The following DNAH11 variants were observed in gnomAD, a reference collection of about 807,000 sequenced individuals.
The protein encoded by DNAH11 is dynein axonemal heavy chain 11, also known as axonemal beta dynein heavy chain 11.
Under a neutral mutation model 526.0 loss-of-function variants are expected in DNAH11, and 442 were observed. The ratio of observed to expected loss-of-function variants is 0.84; its 90% CI spans 0.78 to 0.91. The LOEUF (loss-of-function observed/expected upper bound fraction) is 0.91, where lower values mean the gene tolerates loss of function less well. Among genes scored for constraint, DNAH11 ranks in the 40% least tolerant of loss-of-function variants. The pLI is 0.00. For missense variants in DNAH11, 6,989 were observed against 5,448.7 expected, an observed-to-expected ratio of 1.28 and a Z score of -8.90; for synonymous variants, 2,461 against 1,935.9, an observed-to-expected ratio of 1.27 and a Z score of -7.12.
intron 8 of DNAH11, among the ~76,000 whole-genome samples, chr7:21,572,352 T>G (rs73066485): frequency 0.16 from 23,910 of 152,224 alleles, 2,114 homozygotes; most frequent in East Asian, 0.23. Flanking sequence ...GAACACTTGC[T>G]TTCACCCCAG....
At position 21,744,428 on chromosome 7, in the gene DNAH11, T is replaced by C; in HGVS notation, c.8155-10T>C. ...GAATTAAAGGTATTTTCCCCATTCT[T>C]GCCTTGTAGGGGATTTTATTTGCTT... On this transcript the variant is annotated splice_polypyrimidine_tract_variant and intron_variant, in intron 49 of 81. Transcript: ENST00000409508. 1 of 1,612,138 alleles carries C rather than the reference T, an allele frequency of 6.2e-7. No individual in the cohort carries two copies. The highest frequency in any genetic ancestry group is 8.5e-7 in the Non-Finnish European group (1 of 1,179,324).
At position 21,745,142 on chromosome 7, in the gene DNAH11, A is replaced by G. The variant is rs969754192; in HGVS notation, c.8510+79A>G. On this transcript the variant is annotated intron_variant, in intron 51 of 81. Transcript: ENST00000409508. ...CACTACTGTCATTTTTCAATAGATC[A>G]TACTAAGCACTCTGAACCATCAGTT... 16 of 1,410,942 alleles carry G rather than the reference A, an allele frequency of 1.1e-5. No individual in the cohort carries two copies. In the African/African-American group the frequency reaches 2.1e-4, roughly 19 times the overall value. The allele number at this position is 1,410,942 out of a possible 1,614,324, so 87.4% of individuals were successfully genotyped here. A position where few individuals can be genotyped will look rare whatever the true frequency, so the allele number is the denominator to read the frequency against.
At chr7:21,546,112 A>C (rs528412858) in intron 2 of DNAH11, among the ~76,000 whole-genome samples, 2 of 152,326 alleles carry the variant, frequency 1.3e-5, no homozygotes, top group South Asian at 4.1e-4. Context: ...AGTCCTGCCA[A>C]GGCCGATATT....
chr7:21,867,980 G>T lies in DNAH11; in HGVS notation c.11812G>T (p.Asp3938Tyr). The change falls in exon 72 of 82, where the codon GAT (aspartate) becomes TAT (tyrosine). Residue 3938 changes from aspartate (D) to tyrosine (Y), a missense_variant. By Grantham distance (160) the Asp-to-Tyr change is radical (BLOSUM62 -3). Coordinates refer to ENST00000409508, the MANE Select transcript of DNAH11 (RefSeq NM_001277115.2). ...PIFFILSPGVDALKDLEILGK... is the reference protein window; with the variant it reads ...PIFFILSPGVYALKDLEILGK... ...ATTCTTCATCCTGTCTCCGGGGGTA[G>T]ATGCCCTTAAAGACCTGGAGATTCT... The T allele has an allele frequency of 6.4e-7, 1 of 1,558,880 alleles. No individual in the cohort carries two copies. The highest frequency in any genetic ancestry group is 1.2e-5 in the South Asian group (1 of 83,590).
chr7:21,553,070 A>ATTTTTTTTTTTTTTTTTTTTTTTTTTT (rs35121910), intron 2 of DNAH11, among the ~76,000 whole-genome samples: 2 of 66,784 alleles, frequency 3.0e-5, no homozygotes, highest in Admixed American at 1.8e-4. Context: ...TATAAATGGG[A>ATTTTTTTTTTTTTTTTTTTTTTTTTTT]TTTTTTTTTT....
chr7:21,562,570 A>G (rs972415069), intron 5 of DNAH11, among the ~76,000 whole-genome samples: 6 of 152,088 alleles, frequency 3.9e-5, no homozygotes, highest in Non-Finnish European at 7.3e-5. Flanking sequence ...GGAAGAAAAC[A>G]CTTCTCAATA....
chr7:21,867,189 T>C (rs904286031), intron 71 of DNAH11, among the ~76,000 whole-genome samples: 1 of 152,232 alleles, frequency 6.6e-6, no homozygotes, highest in African/African-American at 2.4e-5. Flanking sequence ...AATGGTAATG[T>C]GCTGCTTAAT....
chr7:21,630,580 C>G (rs1786557404), intron 25 of DNAH11, among the ~76,000 whole-genome samples: 1 of 152,150 alleles, frequency 6.6e-6, no homozygotes, highest in Non-Finnish European at 1.5e-5. Context: ...TATAAGTTTG[C>G]TGGACACAGT....
chr7:21,852,720 C>G (rs1408441485), intron 67 of DNAH11, 89 bp downstream of exon 67: 1 of 1,369,696 alleles, frequency 7.3e-7, no homozygotes, highest in Non-Finnish European at 9.7e-7. Context: ...CTTGGTAATT[C>G]CTCTAAGAGG....
intron 65 of DNAH11, among the ~76,000 whole-genome samples, chr7:21,839,747 T>A (rs771932338): frequency 2.0e-5 from 3 of 152,146 alleles, no homozygotes; most frequent in African/African-American, 4.8e-5. Context: ...ACCATTCAAC[T>A]AATAGGGTTT....
At chr7:21,652,676 C>G (rs1254513934) in intron 28 of DNAH11, among the ~76,000 whole-genome samples, 1 of 152,116 alleles carries the variant, frequency 6.6e-6, no homozygotes, top group Non-Finnish European at 1.5e-5. Flanking sequence ...GTGATTTCAA[C>G]TGGTGTGGTC....
rs538813374 is a variant in DNAH11 at position 21,706,603 on chromosome 7, A to C, written c.6546+1066A>C. Among the ~76,000 whole-genome samples the C allele has an allele frequency of 9.1e-4, 138 of 152,314 alleles. 3 individuals carry two copies. In the Middle Eastern group the frequency reaches 0.01, roughly 11 times the overall value. ...AAGGAAGGATAAAGTTAAATTCTAT[A>C]CTTTCCAGTGGATTAATGGTTTCTA... On this transcript the variant is annotated intron_variant, in intron 39 of 81. Coordinates refer to ENST00000409508, the MANE Select transcript of DNAH11 (RefSeq NM_001277115.2).
chr7:21,901,256 G>GT lies in DNAH11; in HGVS notation c.*3dup. ...GTGGCTCTGCTTCTAGAAGCGTAAG[G>GT]TAACACTGGCATTCCTCTAGCCTCT... On this transcript the variant is annotated 3_prime_UTR_variant, in exon 82 of 82. Coordinates refer to ENST00000409508, the MANE Select transcript of DNAH11 (RefSeq NM_001277115.2). The GT allele has an allele frequency of 6.2e-7, 1 of 1,608,146 alleles. No individual in the cohort carries two copies. Among genetic ancestry groups the GT allele is most frequent in the South Asian group, 1.1e-5 (1 of 90,240 alleles).
chr7:21,698,829 C>T (rs1336835578), intron 36 of DNAH11, among the ~76,000 whole-genome samples: 1 of 152,066 alleles, frequency 6.6e-6, no homozygotes, highest in Non-Finnish European at 1.5e-5. Context: ...TGGGCAGATA[C>T]CCAGTAGTGG....
intron 30 of DNAH11, among the ~76,000 whole-genome samples, chr7:21,675,429 C>T (rs979687164): frequency 6.6e-6 from 1 of 152,218 alleles, no homozygotes; most frequent in Admixed American, 6.5e-5. Flanking sequence ...TTCTTTAGGT[C>T]TTAGTATACA....
chr7:21,617,787 C>G lies in DNAH11; in HGVS notation c.4254+10C>G, dbSNP rs1265824280. Reference sequence around the variant, plus strand: ...GATGAAAGCTATTGGGGTCAGTATCCTTGGTCTCACTAATGAACCTTTTTA... The same window carrying G: ...GATGAAAGCTATTGGGGTCAGTATCGTTGGTCTCACTAATGAACCTTTTTA... On this transcript the variant is annotated intron_variant, in intron 23 of 81. Coordinates refer to ENST00000409508, the MANE Select transcript of DNAH11 (RefSeq NM_001277115.2). 1.9e-6 allele frequency: 3 copies of G among 1,570,322 alleles called. No individual in the cohort carries two copies. The highest frequency in any genetic ancestry group is 2.3e-5 in the East Asian group (1 of 44,362).
intron 28 of DNAH11, among the ~76,000 whole-genome samples, chr7:21,645,431 A>T (rs899224007): frequency 1.3e-4 from 20 of 152,240 alleles, no homozygotes; most frequent in African/African-American, 4.8e-4. Flanking sequence ...GGGCTACGAT[A>T]GCAGCAGTTT....
intron 56 of DNAH11, among the ~76,000 whole-genome samples, chr7:21,775,103 C>T (rs1476537): frequency 6.6e-6 from 1 of 151,970 alleles, no homozygotes; most frequent in East Asian, 1.9e-4. Context: ...GCCAAAGCAC[C>T]ACTTGCCTCT....
At chr7:21,616,855 T>C (rs180806367) in intron 22 of DNAH11, among the ~76,000 whole-genome samples, 2 of 152,308 alleles carry the variant, frequency 1.3e-5, no homozygotes, top group African/African-American at 2.4e-5. Flanking sequence ...AGACAGAGCA[T>C]CTTTGGATAA....
Sources: allele counts gnomAD v4.1 joint callset (sites outside exome capture counted in the v4.1 genomes callset), GRCh38; gene constraint gnomAD v4.1.1; transcripts MANE v1.5; gene names NCBI Gene and HGNC (gene_info 2026-07-23, HGNC 2026-07-21).